The following GUCY2F variants were observed in gnomAD, a reference collection of about 807,000 sequenced individuals.
The protein encoded by GUCY2F is guanylate cyclase 2F, retinal.
GUCY2F carries 61 observed loss-of-function variants against 73.1 expected under a neutral mutation model. That is an observed-to-expected ratio of 0.83 (90% CI 0.68 to 1.03). GUCY2F has a LOEUF of 1.03. Among genes scored for constraint, GUCY2F ranks in the 50% least tolerant of loss-of-function variants. The probability of loss-of-function intolerance (pLI) is 0.00; values close to 1 mark genes in which losing one functional copy is unlikely to be tolerated. For missense variants in GUCY2F, 912 were observed against 854.3 expected (o/e 1.07, Z -0.84); for synonymous variants, 331 against 307.8 (o/e 1.08, Z -0.79).
chrX:109,477,388 G>A (rs1264439333), intron 1 of GUCY2F, among the ~76,000 whole-genome samples: 4 of 111,766 alleles, frequency 3.6e-5, no homozygotes, highest in Non-Finnish European at 5.6e-5. Context: ...CATTCTGATA[G>A]AGATCTTGAA....
At chrX:109,409,249 T>C in intron 8 of GUCY2F, 81 bp from the exon 9 acceptor site, 1 of 503,383 alleles carries the variant, frequency 2.0e-6, no homozygotes, top group South Asian at 3.1e-5. Context: ...TAACCTTCTC[T>C]TGACCCTTCT....
intron 7 of GUCY2F, among the ~76,000 whole-genome samples, chrX:109,433,386 T>A (rs1425847984): frequency 8.9e-6 from 1 of 112,181 alleles, no homozygotes; most frequent in African/African-American, 3.2e-5. Context: ...TAAGTGACTG[T>A]CCCAAGGTCA....
intron 8 of GUCY2F, among the ~76,000 whole-genome samples, chrX:109,426,590 C>T (rs957859773): frequency 1.8e-5 from 2 of 111,527 alleles, no homozygotes; most frequent in African/African-American, 6.5e-5. Flanking sequence ...GGGGTTTCAC[C>T]GTGTTAGCCA....
intron 12 of GUCY2F, among the ~76,000 whole-genome samples, chrX:109,394,986 C>T (rs1175821212): frequency 8.9e-6 from 1 of 112,053 alleles, no homozygotes; most frequent in Non-Finnish European, 1.9e-5. Flanking sequence ...GTGAGGAGCC[C>T]CATCTATTCC....
chrX:109,460,608 T>C (rs996843913), intron 3 of GUCY2F, among the ~76,000 whole-genome samples: 3 of 111,718 alleles, frequency 2.7e-5, no homozygotes, highest in Admixed American at 9.5e-5. Flanking sequence ...AAAAAGCTAC[T>C]ACAGGATGTG....
chrX:109,416,284 A>C, intron 8 of GUCY2F, among the ~76,000 whole-genome samples: 1 of 111,566 alleles, frequency 9.0e-6, no homozygotes. Flanking sequence ...AGATTTTATA[A>C]ATATATTTGA....
At chrX:109,447,724 T>A (rs1246074015) in intron 6 of GUCY2F, among the ~76,000 whole-genome samples, 1 of 108,978 alleles carries the variant, frequency 9.2e-6, no homozygotes, top group Non-Finnish European at 1.9e-5. Flanking sequence ...TGTATACATA[T>A]GTAACAAACC....
chrX:109,458,513 G>T (rs964511670), intron 3 of GUCY2F, among the ~76,000 whole-genome samples: 8 of 111,564 alleles, frequency 7.2e-5, no homozygotes, highest in African/African-American at 2.3e-4. Context: ...GGAGCACAGG[G>T]CTCTGGAAAC....
chrX:109,397,794 G>T (rs1046281179), intron 11 of GUCY2F, among the ~76,000 whole-genome samples: 1 of 110,503 alleles, frequency 9.0e-6, no homozygotes, highest in African/African-American at 3.3e-5. Context: ...ATGTCAGCTG[G>T]GGTTTGTCTA....
chrX:109,412,917 T>A (rs184052021), intron 8 of GUCY2F, among the ~76,000 whole-genome samples: 22 of 111,813 alleles, frequency 2.0e-4, no homozygotes, highest in African/African-American at 7.1e-4. Flanking sequence ...AGCAGAGCCA[T>A]GAGATGGTTA....
intron 8 of GUCY2F, among the ~76,000 whole-genome samples, chrX:109,425,324 TAAAG>T (rs1329281563): frequency 3.8e-5 from 4 of 106,249 alleles, no homozygotes; most frequent in Middle Eastern, 8.7e-3. Context: ...AACGAGTGGA[TAAAG>T]AAATTGTTGT....
chrX:109,433,806 C>G (rs762548587), intron 7 of GUCY2F, among the ~76,000 whole-genome samples: 2 of 111,126 alleles, frequency 1.8e-5, no homozygotes. Context: ...GGGGAAAGAG[C>G]ACTAGATCCT....
At chrX:109,398,461 C>T in intron 11 of GUCY2F, 88 bp downstream of exon 11, 1 of 867,908 alleles carries the variant, frequency 1.2e-6, no homozygotes, top group Non-Finnish European at 1.7e-6. Context: ...AGCACTAACA[C>T]TCTTCTGGAA....
intron 12 of GUCY2F, among the ~76,000 whole-genome samples, chrX:109,393,276 G>C (rs943261132): frequency 2.1e-4 from 11 of 53,562 alleles, no homozygotes; most frequent in African/African-American, 8.7e-4. Context: ...GACCCCACCA[G>C]TTCTTCCCCT....
chrX:109,409,596 G>A (rs372522900), intron 8 of GUCY2F, among the ~76,000 whole-genome samples: 15 of 111,007 alleles, frequency 1.4e-4, no homozygotes, highest in East Asian at 8.6e-4. Flanking sequence ...GTTTTGCTGT[G>A]TCCCCACCCA....
intron 5 of GUCY2F, among the ~76,000 whole-genome samples, chrX:109,451,505 C>T (rs1019425764): frequency 1.3e-4 from 15 of 111,834 alleles, no homozygotes; most frequent in Middle Eastern, 4.6e-3. Flanking sequence ...TGAGCACCTA[C>T]TATGAGTCAC....
chrX:109,434,660 G>A (rs1488761217), intron 7 of GUCY2F, among the ~76,000 whole-genome samples: 1 of 110,002 alleles, frequency 9.1e-6, no homozygotes, highest in East Asian at 2.8e-4. Flanking sequence ...TTTGGCTTTT[G>A]TTGCCATTGC....
intron 1 of GUCY2F, among the ~76,000 whole-genome samples, chrX:109,480,721 A>T (rs1932759329): frequency 9.1e-6 from 1 of 110,361 alleles, no homozygotes; most frequent in Non-Finnish European, 1.9e-5. Flanking sequence ...CAAGATAAAC[A>T]TTTCCCAAGC....
chrX:109,423,033 A>C (rs1485958291), intron 8 of GUCY2F, among the ~76,000 whole-genome samples: 1 of 112,512 alleles, frequency 8.9e-6, no homozygotes, highest in Non-Finnish European at 1.9e-5. Context: ...AATTAATGCA[A>C]GTTAAACAAA....
Sources: allele counts gnomAD v4.1 joint callset (sites outside exome capture counted in the v4.1 genomes callset), GRCh38; gene constraint gnomAD v4.1.1; transcripts MANE v1.5; gene names NCBI Gene and HGNC (gene_info 2026-07-23, HGNC 2026-07-21).